The following NDC1 variants were observed in gnomAD, a reference collection of about 807,000 sequenced individuals.
The protein encoded by NDC1 is NDC1 transmembrane nucleoporin, also known as nucleoporin NDC1.
Under a neutral mutation model 89.8 loss-of-function variants are expected in NDC1, and 24 were observed. The ratio of observed to expected loss-of-function variants is 0.27; its 90% CI spans 0.19 to 0.38. The LOEUF (loss-of-function observed/expected upper bound fraction) is 0.38. Among genes scored for constraint, NDC1 ranks in the 10% least tolerant of loss-of-function variants. The pLI, the probability that NDC1 is intolerant of heterozygous loss-of-function variation, is 1.00. For synonymous variants in NDC1, 296 were observed against 284.8 expected, an observed-to-expected ratio of 1.04 and a Z score of -0.39; for missense variants, 728 against 797.6, an observed-to-expected ratio of 0.91 and a Z score of 1.05.
chr1:53,837,293 C>G (rs190109855), intron 1 of NDC1, among the ~76,000 whole-genome samples: 1 of 152,176 alleles, frequency 6.6e-6, no homozygotes, highest in African/African-American at 2.4e-5. Flanking sequence ...ATTTTAGAGG[C>G]CAGGCACGGT....
intron 14 of NDC1, 133 bp from the exon 15 acceptor site, chr1:53,789,329 T>G (rs1406932389): frequency 3.4e-6 from 2 of 586,934 alleles, no homozygotes; most frequent in Non-Finnish European, 6.1e-6. Flanking sequence ...TAAAATAAAT[T>G]CTTTTATATT....
At chr1:53,788,588 G>A (rs1319950834) in intron 15 of NDC1, among the ~76,000 whole-genome samples, 4 of 151,870 alleles carry the variant, frequency 2.6e-5, no homozygotes, top group East Asian at 3.9e-4. Flanking sequence ...CAGCATGCCC[G>A]GCTAATTTTT....
At position 53,807,809 on chromosome 1, in the gene NDC1, A is replaced by C; in HGVS notation, c.756-18T>G. On this transcript the variant is annotated intron_variant, in intron 7 of 17. Transcript: ENST00000371429. ...GAACCTGCCTGTGAATGCAGAAATT[A>C]CTATTAATCCTCTAGGAAAAATGCA... 1 of 1,587,972 alleles carries C rather than the reference A, an allele frequency of 6.3e-7. No homozygotes were observed. Among genetic ancestry groups the C allele is most frequent in the Non-Finnish European group, 8.5e-7 (1 of 1,172,632 alleles).
chr1:53,790,264 C>A (rs1647444421), intron 14 of NDC1, among the ~76,000 whole-genome samples: 1 of 151,522 alleles, frequency 6.6e-6, no homozygotes, highest in African/African-American at 2.4e-5. Flanking sequence ...ACTTGGGAGG[C>A]TGAGGCAGGA....
chr1:53,800,337 T>TC (rs1647864045), intron 11 of NDC1, among the ~76,000 whole-genome samples: 2 of 138,504 alleles, frequency 1.4e-5, no homozygotes, highest in South Asian at 5.0e-4. Context: ...GTCATCTTTT[T>TC]TTTTTTTTTT....
chr1:53,833,777 T>C (rs544650537), intron 2 of NDC1, among the ~76,000 whole-genome samples: 1 of 152,180 alleles, frequency 6.6e-6, no homozygotes, highest in South Asian at 2.1e-4. Context: ...GCATGTTTGC[T>C]AAGACTTAAA....
At chr1:53,810,920 G>T (rs1053022545) in intron 6 of NDC1, among the ~76,000 whole-genome samples, 4 of 152,186 alleles carry the variant, frequency 2.6e-5, no homozygotes, top group African/African-American at 9.6e-5. Context: ...CTGCTCCTGA[G>T]GACCCGGGAG....
chr1:53,810,731 C>T (rs1235797491), intron 6 of NDC1, among the ~76,000 whole-genome samples: 1 of 152,132 alleles, frequency 6.6e-6, no homozygotes, highest in Non-Finnish European at 1.5e-5. Flanking sequence ...ATAGCAAGAC[C>T]CCATCTCTAA....
intron 11 of NDC1, among the ~76,000 whole-genome samples, chr1:53,797,823 C>T (rs1157123034): frequency 1.3e-5 from 2 of 151,890 alleles, no homozygotes; most frequent in Non-Finnish European, 2.9e-5. Flanking sequence ...GAGACAGATT[C>T]GCCATGTTTC....
Position 53,803,886 on chromosome 1 carries a change from TAC to T in NDC1, c.1066+40_1066+41del, listed in dbSNP as rs775935124. 3 of 1,460,144 alleles carry T rather than the reference TAC, an allele frequency of 2.1e-6. No homozygotes were observed. In the East Asian group the frequency reaches 6.8e-5, roughly 33 times the overall value. The allele number at this position is 1,460,144 out of a possible 1,614,324, so 90.4% of individuals were successfully genotyped here. On this transcript the variant is annotated intron_variant, in intron 10 of 17. Coordinates refer to ENST00000371429, the MANE Select transcript of NDC1 (RefSeq NM_018087.5). Reference sequence around the variant, plus strand: ...ATGCCTGGCCAAGTGAATTACTTTCTACACACATATGCCTAATCAAGTCTATT... The same window carrying T: ...ATGCCTGGCCAAGTGAATTACTTTCTACACATATGCCTAATCAAGTCTATT...
chr1:53,807,604 T>G, intron 8 of NDC1, 52 bp downstream of exon 8: 1 of 1,502,572 alleles, frequency 6.7e-7, no homozygotes, highest in Non-Finnish European at 9.0e-7. Flanking sequence ...AAAAATCAAC[T>G]GTGCACTCCA....
intron 5 of NDC1, among the ~76,000 whole-genome samples, chr1:53,819,653 T>C (rs575114514): frequency 6.6e-6 from 1 of 152,334 alleles, no homozygotes; most frequent in South Asian, 2.1e-4. Context: ...ACTGAATTTT[T>C]AAAAATGCTC....
At chr1:53,798,162 A>ATTATTT (rs1202358213) in intron 11 of NDC1, among the ~76,000 whole-genome samples, 1 of 145,848 alleles carries the variant, frequency 6.9e-6, no homozygotes, top group Admixed American at 6.9e-5. Context: ...TATTATTATT[A>ATTATTT]TTATTATTAT....
At chr1:53,813,579 T>C (rs1001652650) in intron 6 of NDC1, among the ~76,000 whole-genome samples, 1 of 152,076 alleles carries the variant, frequency 6.6e-6, no homozygotes, top group Non-Finnish European at 1.5e-5. Flanking sequence ...CAGGAAAATA[T>C]CACAATCCTA....
chr1:53,808,750 T>C (rs1453728302), intron 7 of NDC1, among the ~76,000 whole-genome samples: 1 of 152,240 alleles, frequency 6.6e-6, no homozygotes, highest in Non-Finnish European at 1.5e-5. Context: ...GTTTAAAATC[T>C]GGGCTAAAAC....
intron 6 of NDC1, among the ~76,000 whole-genome samples, chr1:53,813,926 C>G (rs562814260): frequency 2.0e-5 from 3 of 152,282 alleles, no homozygotes; most frequent in South Asian, 2.1e-4. Flanking sequence ...ATATCAAGCA[C>G]TCTCTCAGAT....
intron 7 of NDC1, among the ~76,000 whole-genome samples, chr1:53,808,239 G>A (rs192758201): frequency 6.6e-6 from 1 of 152,308 alleles, no homozygotes; most frequent in Admixed American, 6.5e-5. Context: ...ACTAAACAAT[G>A]TTAAAGCAAT....
At chr1:53,800,330 A>ATTTT (rs1647862522) in intron 11 of NDC1, among the ~76,000 whole-genome samples, 5 of 104,098 alleles carry the variant, frequency 4.8e-5, no homozygotes, top group African/African-American at 2.0e-4. Context: ...AACTACAGTC[A>ATTTT]TCTTTTTTTT....
At chr1:53,796,148 C>A (rs1019275793) in intron 13 of NDC1, among the ~76,000 whole-genome samples, 2 of 152,222 alleles carry the variant, frequency 1.3e-5, no homozygotes, top group Admixed American at 6.5e-5. Flanking sequence ...CCCTTAGGAA[C>A]TCTCTGTCTT....
Sources: allele counts gnomAD v4.1 joint callset (sites outside exome capture counted in the v4.1 genomes callset), GRCh38; gene constraint gnomAD v4.1.1; transcripts MANE v1.5; gene names NCBI Gene and HGNC (gene_info 2026-07-23, HGNC 2026-07-21).